The following SFI1 variants were observed in gnomAD, a reference collection of about 807,000 sequenced individuals.
SFI1 encodes the protein protein SFI1 homolog.
A neutral mutation model predicts 207.5 loss-of-function variants in SFI1; 195 were observed. That is an observed-to-expected ratio of 0.94 (90% confidence interval 0.84 to 1.06). The LOEUF is 1.06. Ranked by LOEUF, SFI1 falls within the 50% of genes least tolerant of loss-of-function variation. The probability of loss-of-function intolerance (pLI) is 0.00; values close to 1 mark genes in which losing one functional copy is unlikely to be tolerated. For synonymous variants in SFI1, 630 were observed against 598.9 expected (o/e 1.05, Z -0.76); for missense variants, 1,634 against 1,588.0 (o/e 1.03, Z -0.49).
At chr22:31,612,881 C>G (rs1422370407) in intron 24 of SFI1, 1 of 504,052 alleles carries the variant, frequency 2.0e-6, no homozygotes, top group Non-Finnish European at 3.6e-6. Flanking sequence ...TCACCATTCC[C>G]CGGACCTCAG....
chr22:31,532,859 G>A (rs1309766606), intron 4 of SFI1, among the ~76,000 whole-genome samples: 2 of 152,158 alleles, frequency 1.3e-5, no homozygotes, highest in African/African-American at 2.4e-5. Flanking sequence ...GTCTCAAACC[G>A]GCCTCCCCAA....
intron 6 of SFI1, among the ~76,000 whole-genome samples, chr22:31,555,786 C>T (rs1457060889): frequency 6.6e-6 from 1 of 152,112 alleles, no homozygotes; most frequent in East Asian, 1.9e-4. Flanking sequence ...TATACTAGTC[C>T]TGATTACCTG....
At chr22:31,516,215 G>T (rs1339112301) in intron 2 of SFI1, among the ~76,000 whole-genome samples, 1 of 151,992 alleles carries the variant, frequency 6.6e-6, no homozygotes, top group Non-Finnish European at 1.5e-5. Flanking sequence ...GATGAATTAA[G>T]ATGTTTTAAA....
chr22:31,616,737 C>T lies in SFI1; in HGVS notation c.3301-8C>T, dbSNP rs951585189. The T allele has an allele frequency of 6.5e-7, 1 of 1,532,918 alleles. No individual in the cohort carries two copies. Among genetic ancestry groups the T allele is most frequent in the Non-Finnish European group, 8.7e-7 (1 of 1,143,848 alleles). The allele number at this position is 1,532,918 out of a possible 1,614,324, so 95.0% of individuals were successfully genotyped here. A position where few individuals can be genotyped will look rare whatever the true frequency, so the allele number is the denominator to read the frequency against. ...CTTGCTCAGCATCTACCCTTCTTTCCTTTGCAGGTGTCAGCACAGCGGGCT... is the reference window on the plus strand; with the variant it reads ...CTTGCTCAGCATCTACCCTTCTTTCTTTTGCAGGTGTCAGCACAGCGGGCT... On this transcript the variant is annotated splice_region_variant and splice_polypyrimidine_tract_variant and intron_variant, in intron 29 of 32. Coordinates refer to ENST00000400288, the MANE Select transcript of SFI1 (RefSeq NM_001007467.3).
At chr22:31,577,646 G>A (rs113101742) in intron 10 of SFI1, among the ~76,000 whole-genome samples, 6 of 152,248 alleles carry the variant, frequency 3.9e-5, no homozygotes, top group African/African-American at 1.2e-4. Context: ...TGGGAGGATC[G>A]CTTGAACTCA....
chr22:31,568,191 G>A (rs201559427), intron 8 of SFI1, among the ~76,000 whole-genome samples: 17 of 81,954 alleles, frequency 2.1e-4, no homozygotes, highest in South Asian at 1.5e-3. Flanking sequence ...GTGTGTGTGT[G>A]TGTTGTGTGT....
intron 15 of SFI1, among the ~76,000 whole-genome samples, chr22:31,591,429 C>T (rs1342320374): frequency 6.6e-6 from 1 of 152,256 alleles, no homozygotes; most frequent in Non-Finnish European, 1.5e-5. Flanking sequence ...TCCCGCCCTT[C>T]CATTCCACAA....
chr22:31,515,544 CTG>C (rs34222417), intron 2 of SFI1, among the ~76,000 whole-genome samples: 129,144 of 146,388 alleles, frequency 0.88, 56,922 homozygotes, highest in East Asian at 0.97. Context: ...GTGCCTGGCT[CTG>C]TGTGTGTGTG....
chr22:31,511,282 TCCTGCC>T (rs2055465311), intron 2 of SFI1, among the ~76,000 whole-genome samples: 1 of 152,106 alleles, frequency 6.6e-6, no homozygotes, highest in South Asian at 2.1e-4. Context: ...GCTGCTGAGA[TCCTGCC>T]CCTGTTGATA....
At chr22:31,582,219 TATATATATATATA>T (rs1569376780) in intron 12 of SFI1, among the ~76,000 whole-genome samples, 12 of 37,300 alleles carry the variant, frequency 3.2e-4, no homozygotes, top group Non-Finnish European at 5.5e-4. Context: ...TATATATATA[TATATATATATATA>T]TATATTTTTT....
intron 14 of SFI1, among the ~76,000 whole-genome samples, chr22:31,586,814 G>T (rs1222308700): frequency 1.3e-5 from 2 of 152,178 alleles, no homozygotes; most frequent in African/African-American, 4.8e-5. Context: ...GGACAGTCCA[G>T]GGTCAGCGTT....
At chr22:31,553,529 ATTTTTT>A (rs71202096) in intron 6 of SFI1, among the ~76,000 whole-genome samples, 3 of 82,650 alleles carry the variant, frequency 3.6e-5, no homozygotes, top group African/African-American at 9.0e-5. Flanking sequence ...TAATTTTTGT[ATTTTTT>A]TTTTTTTTTT....
chr22:31,501,150 C>A (rs1026373900), intron 1 of SFI1, among the ~76,000 whole-genome samples: 2 of 150,648 alleles, frequency 1.3e-5, no homozygotes, highest in Admixed American at 1.3e-4. Context: ...TGCTATTGCA[C>A]ACTTAACTAC....
At chr22:31,580,705 C>A (rs1419092758) in intron 12 of SFI1, among the ~76,000 whole-genome samples, 2 of 151,836 alleles carry the variant, frequency 1.3e-5, no homozygotes, top group Non-Finnish European at 2.9e-5. Flanking sequence ...ACTACACCTT[C>A]CTAATTTTTG....
At chr22:31,530,948 C>G in intron 3 of SFI1, 110 bp from the exon 4 acceptor site, 1 of 818,426 alleles carries the variant, frequency 1.2e-6, no homozygotes, top group Non-Finnish European at 2.0e-6. Flanking sequence ...TTGATTCATA[C>G]TAACATCCCT....
At chr22:31,562,958 A>G (rs1038955958) in intron 8 of SFI1, among the ~76,000 whole-genome samples, 1 of 147,850 alleles carries the variant, frequency 6.8e-6, no homozygotes, top group African/African-American at 2.5e-5. Context: ...TAACCTAAGC[A>G]GCCAGAAAGC....
Position 31,594,854 on chromosome 22 carries a change from CAAAAA to C in SFI1, c.1544+5296_1544+5300del, listed in dbSNP as rs67157514. 6.3e-3 allele frequency among the ~76,000 whole-genome samples: 487 copies of C among 76,780 alleles called. 7 individuals are homozygous for C. Among genetic ancestry groups the C allele is most frequent in the African/African-American group, 0.025 (460 of 18,096 alleles). The allele number at this position is 76,780 out of a possible 152,430, so 50.4% of individuals were successfully genotyped here. A position where few individuals can be genotyped will look rare whatever the true frequency, so the allele number is the denominator to read the frequency against. Reference sequence around the variant, plus strand: ...TGGGCGACAGAGTGAGACTCTGTCTCAAAAAAAAAAAAAAAAAAAAAAATTAGAAA... The same window carrying C: ...TGGGCGACAGAGTGAGACTCTGTCTCAAAAAAAAAAAAAAAAAATTAGAAA... On this transcript the variant is annotated intron_variant, in intron 15 of 32. Coordinates refer to ENST00000400288, the MANE Select transcript of SFI1 (RefSeq NM_001007467.3).
At chr22:31,603,926 C>T in intron 18 of SFI1, 107 bp downstream of exon 18, 2 of 1,041,672 alleles carry the variant, frequency 1.9e-6, no homozygotes, top group Non-Finnish European at 2.8e-6. Context: ...TACCTCTGAG[C>T]TGAAGGAGGA....
chr22:31,504,196 A>G (rs1460156707), intron 1 of SFI1, among the ~76,000 whole-genome samples: 8 of 152,178 alleles, frequency 5.3e-5, no homozygotes, highest in African/African-American at 1.9e-4. Context: ...CCACAGGATC[A>G]TTATGACAGA....
Sources: gnomAD v4.1 joint callset for allele counts (sites outside exome capture counted in the v4.1 genomes callset) on GRCh38, gnomAD v4.1.1 for gene constraint, MANE v1.5 for transcripts, NCBI Gene and HGNC (gene_info 2026-07-23, HGNC 2026-07-21) for gene names.